Variants in EYA3 observed in about 807,000 individuals in gnomAD.
EYA3 encodes protein phosphatase EYA3.
A neutral mutation model predicts 80.0 loss-of-function variants in EYA3; 39 were observed. The observed-to-expected ratio is 0.49, with a 90% confidence interval of 0.38 to 0.64. EYA3 has a LOEUF of 0.64. Ranked by LOEUF, EYA3 falls within the 30% of genes least tolerant of loss-of-function variation. The pLI, the probability that EYA3 is intolerant of heterozygous loss-of-function variation, is 0.00. For missense variants in EYA3, 523 were observed against 676.1 expected (o/e 0.77, Z 2.51); for synonymous variants, 206 against 232.8 (o/e 0.88, Z 1.05).
intron 1 of EYA3, among the ~76,000 whole-genome samples, chr1:28,059,715 ATTTT>A (rs1224157714): frequency 1.8e-5 from 2 of 113,620 alleles, no homozygotes; most frequent in Non-Finnish European, 3.6e-5. Flanking sequence ...CATTTGTTGG[ATTTT>A]TTTTTTTTTT....
chr1:27,983,776 C>T (rs1327713926), intron 16 of EYA3, among the ~76,000 whole-genome samples: 1 of 152,162 alleles, frequency 6.6e-6, no homozygotes, highest in Non-Finnish European at 1.5e-5. Flanking sequence ...CTGCCTCAGT[C>T]TCCCCAGTAG....
chr1:28,049,705 G>T (rs1465342247), intron 2 of EYA3, among the ~76,000 whole-genome samples: 1 of 152,086 alleles, frequency 6.6e-6, no homozygotes, highest in Non-Finnish European at 1.5e-5. Flanking sequence ...AGGGAAATAT[G>T]ATCTGACCTA....
At chr1:28,041,222 G>A (rs1167513826) in intron 4 of EYA3, among the ~76,000 whole-genome samples, 1 of 152,112 alleles carries the variant, frequency 6.6e-6, no homozygotes, top group Non-Finnish European at 1.5e-5. Flanking sequence ...AAATTAGCCA[G>A]GCGTGATGGT....
At chr1:27,988,425 A>G in intron 16 of EYA3, 110 bp downstream of exon 16, 1 of 1,181,222 alleles carries the variant, frequency 8.5e-7, no homozygotes, top group South Asian at 1.5e-5. Context: ...TGAGGACTGT[A>G]GGTATTACAA....
chr1:28,015,586 A>C (rs971555332), intron 8 of EYA3, among the ~76,000 whole-genome samples: 4 of 152,172 alleles, frequency 2.6e-5, no homozygotes, highest in Non-Finnish European at 5.9e-5. Context: ...CAGTAACATG[A>C]CAAAAAGTGG....
intron 10 of EYA3, among the ~76,000 whole-genome samples, chr1:28,010,363 G>C (rs1641601556): frequency 6.6e-6 from 1 of 152,000 alleles, no homozygotes; most frequent in African/African-American, 2.4e-5. Flanking sequence ...ACAGAAACTT[G>C]GCTAAAAGCA....
chr1:28,021,547 ATT>A (rs1423873435), intron 7 of EYA3, among the ~76,000 whole-genome samples: 2 of 151,896 alleles, frequency 1.3e-5, no homozygotes, highest in African/African-American at 4.8e-5. Flanking sequence ...GTCAATAAAT[ATT>A]TGTGGGATTC....
Position 28,035,607 on chromosome 1 carries a change from G to GTAGTGT in EYA3, c.292_297dup (p.Thr98_Leu99dup), listed in dbSNP as rs1374333581. 6.2e-7 allele frequency: 1 copy of GTAGTGT among 1,614,096 alleles called. No homozygotes were observed. The highest frequency in any genetic ancestry group is 8.5e-7 in the Non-Finnish European group (1 of 1,179,966). On this transcript the variant is annotated inframe_insertion, in exon 6 of 18. Transcript: ENST00000373871. ...TAGACAGCATAGGGTTGAGTCTGCT[G>GTAGTGT]TAGTGTCTGGTATTGAGTCTGTCCA... is the stretch of plus-strand genomic sequence containing the variant.
At position 28,017,155 on chromosome 1, in the gene EYA3, T is replaced by C; in HGVS notation, c.584A>G (p.Gln195Arg). The C allele has an allele frequency of 1.2e-6, 2 of 1,610,804 alleles. No homozygotes were observed. Among genetic ancestry groups the C allele is most frequent in the Non-Finnish European group, 1.7e-6 (2 of 1,177,048 alleles). ...GGATGAACAAAGGTAGCATCATACCTGGTTTGAGATGCTGGCTACTGCTGC... is the reference window on the plus strand; with the variant it reads ...GGATGAACAAAGGTAGCATCATACCCGGTTTGAGATGCTGGCTACTGCTGC... ...PAAAVASISNQDYPTYTILGQ... is the reference protein window; with the variant it reads ...PAAAVASISNRDYPTYTILGQ... The change falls in exon 8 of 18, where the codon CAG becomes CGG. Residue 195 changes from glutamine (Q) to arginine (R), a missense_variant and splice_region_variant. This residue lies in a region of EYA3 where 304 missense variants were observed against 343.3 expected (regional missense o/e 0.89). Transcript: ENST00000373871.
chr1:27,987,836 G>A (rs1639775858), intron 16 of EYA3, among the ~76,000 whole-genome samples: 1 of 152,148 alleles, frequency 6.6e-6, no homozygotes, highest in South Asian at 2.1e-4. Context: ...ACAGGCGCCT[G>A]CCATCATACC....
chr1:27,997,969 C>T (rs7553480), intron 12 of EYA3, among the ~76,000 whole-genome samples: 3 of 152,076 alleles, frequency 2.0e-5, no homozygotes, highest in Non-Finnish European at 4.4e-5. Flanking sequence ...TAGTGAGTGG[C>T]AGAAAGAGAC....
Position 28,014,417 on chromosome 1 carries a change from C to CAAA in EYA3, c.586-1126_586-1124dup, listed in dbSNP as rs1173842687. ...CTCTAGCCTAGGTGACACACTGTCT[C>CAAA]AAAAAAAAAAAAAAAAAAAAAAAAA... On this transcript the variant is annotated intron_variant, in intron 8 of 17. Transcript: ENST00000373871. Among the ~76,000 whole-genome samples, 16 of 49,526 alleles carry CAAA rather than the reference C, an allele frequency of 3.2e-4. 1 individual carries two copies. Among genetic ancestry groups the CAAA allele is most frequent in the African/African-American group, 9.7e-4 (13 of 13,404 alleles). The allele number at this position is 49,526 out of a possible 152,430, so 32.5% of individuals were successfully genotyped here.
intron 3 of EYA3, among the ~76,000 whole-genome samples, 176 bp from the exon 4 acceptor site, chr1:28,042,826 G>C (rs1643860528): frequency 1.3e-5 from 2 of 151,942 alleles, no homozygotes; most frequent in African/African-American, 4.8e-5. Context: ...GCCAGGGCTA[G>C]TACCCTCAGC....
At chr1:28,038,200 T>C (rs1441377937) in intron 5 of EYA3, among the ~76,000 whole-genome samples, 1 of 152,024 alleles carries the variant, frequency 6.6e-6, no homozygotes, top group Non-Finnish European at 1.5e-5. Flanking sequence ...CCCAGCACTT[T>C]GCGAGGTAGG....
At chr1:28,055,462 C>CTTTTTTTTTTT (rs531586344) in intron 2 of EYA3, among the ~76,000 whole-genome samples, 9 of 106,952 alleles carry the variant, frequency 8.4e-5, no homozygotes, top group African/African-American at 3.4e-4. Flanking sequence ...TAAAGAAAAT[C>CTTTTTTTTTTT]TTTTTTTTTT....
chr1:27,993,821 T>C (rs1640238753), intron 13 of EYA3, among the ~76,000 whole-genome samples: 1 of 152,194 alleles, frequency 6.6e-6, no homozygotes, highest in Non-Finnish European at 1.5e-5. Flanking sequence ...AGAGGTTGAC[T>C]TGGGATAAGG....
At chr1:28,073,127 A>ATT (rs1180868021) in intron 1 of EYA3, among the ~76,000 whole-genome samples, 316 of 14,986 alleles carry the variant, frequency 0.021, 44 homozygotes, top group Middle Eastern at 0.1. Flanking sequence ...ATATATATAT[A>ATT]TTTTTTTTTT....
chr1:28,053,069 G>A (rs1571905313), intron 2 of EYA3, among the ~76,000 whole-genome samples: 1 of 138,194 alleles, frequency 7.2e-6, no homozygotes, highest in South Asian at 2.4e-4. Context: ...TGGGAGGATT[G>A]TTTGAGCCCA....
intron 1 of EYA3, among the ~76,000 whole-genome samples, chr1:28,085,620 G>A (rs1007544510): frequency 6.6e-6 from 1 of 152,178 alleles, no homozygotes; most frequent in Non-Finnish European, 1.5e-5. Context: ...AGAAAACTTG[G>A]TAAGCCTAAA....
Sources: gnomAD v4.1 joint callset for allele counts (sites outside exome capture counted in the v4.1 genomes callset) on GRCh38, gnomAD v4.1.1 for gene constraint, gnomAD v4.1.1 regional missense constraint, MANE v1.5 for transcripts, NCBI Gene and HGNC (gene_info 2026-07-23, HGNC 2026-07-21) for gene names.